Variants in NINL observed in about 807,000 individuals in gnomAD.
NINL encodes the protein ninein-like protein.
A neutral mutation model predicts 160.3 loss-of-function variants in NINL; 153 were observed. The observed-to-expected ratio is 0.95, with a 90% CI of 0.84 to 1.09. The LOEUF (loss-of-function observed/expected upper bound fraction) is 1.09. NINL is among the 50% of genes least tolerant of loss of function. NINL has a pLI of 0.00. For missense variants in NINL, 1,829 were observed against 1,764.0 expected, an observed-to-expected ratio of 1.04 and a Z score of -0.66; for synonymous variants, 800 against 734.8, an observed-to-expected ratio of 1.09 and a Z score of -1.43.
intron 2 of NINL, among the ~76,000 whole-genome samples, chr20:25,520,393 T>C (rs528561309): frequency 1.0e-3 from 155 of 152,348 alleles, no homozygotes; most frequent in African/African-American, 3.3e-3. Flanking sequence ...CACACCTCTG[T>C]TGCTGCCATT....
In NINL at chr20:25,453,235, A is replaced by G. The variant is rs1369711861; in HGVS notation, c.*216T>C. 2.3e-6 allele frequency: 1 copy of G among 435,032 alleles called. No individual in the cohort carries two copies. The highest frequency in any genetic ancestry group is 4.0e-6 in the Non-Finnish European group (1 of 250,322). 26.9% of individuals were successfully genotyped at this position (435,032 alleles called of 1,614,324 possible). ...CAAGGGAAATTACTCAGGACCGCTA[A>G]TAAAAACGCCGGCTTCTGCAACATG... is the stretch of plus-strand genomic sequence containing the variant. On this transcript the variant is annotated 3_prime_UTR_variant, in exon 24 of 24. Transcript: ENST00000278886.
intron 10 of NINL, among the ~76,000 whole-genome samples, chr20:25,492,172 G>T (rs1019396497): frequency 1.3e-5 from 2 of 152,112 alleles, no homozygotes. Context: ...CCAAGTCCGA[G>T]ACACCTAAGC....
At chr20:25,472,460 C>T (rs1346125759) in intron 17 of NINL, among the ~76,000 whole-genome samples, 2 of 147,414 alleles carry the variant, frequency 1.4e-5, no homozygotes, top group Non-Finnish European at 1.5e-5. Context: ...TCCGGAGAGG[C>T]AATATTTTAA....
At chr20:25,517,233 C>A (rs1013094506) in intron 3 of NINL, among the ~76,000 whole-genome samples, 25 of 152,058 alleles carry the variant, frequency 1.6e-4, no homozygotes, top group African/African-American at 5.3e-4. Flanking sequence ...CTAAATAATA[C>A]CACAAACACA....
intron 3 of NINL, 50 bp from the exon 4 acceptor site, chr20:25,513,056 G>A (rs754118161): frequency 6.5e-7 from 1 of 1,546,588 alleles, no homozygotes; most frequent in African/African-American, 1.4e-5. Context: ...GCAGTTCTGG[G>A]CCCATGCAGG....
chr20:25,470,231 T>G (rs949810700), intron 17 of NINL, 136 bp from the exon 18 acceptor site: 1 of 680,054 alleles, frequency 1.5e-6, no homozygotes, highest in Admixed American at 2.3e-5. Flanking sequence ...CAGACACCAT[T>G]CCTTTCCCTC....
rs146566444 is a variant in NINL at position 25,503,747 on chromosome 20, G to A, written c.861+205C>T. ...CCCCTAGTGACACACAGCCAGGGAA[G>A]AGCAACACTGGACCCACCCCAAATC... On this transcript the variant is annotated intron_variant, in intron 7 of 23. Coordinates refer to ENST00000278886, the MANE Select transcript of NINL (RefSeq NM_025176.6). Among the ~76,000 whole-genome samples the A allele has an allele frequency of 2.6e-4, 39 of 152,358 alleles. No individual in the cohort carries two copies. The East Asian group carries it at 3.9e-3, about 15-fold the overall frequency.
rs923802210 is a variant in NINL at position 25,579,358 on chromosome 20, A to C, written c.-12+6097T>G. On this transcript the variant is annotated intron_variant, in intron 1 of 23. Coordinates refer to ENST00000278886, the MANE Select transcript of NINL (RefSeq NM_025176.6). ...GTACTCCGTGAAAGAATTTAACAAA[A>C]ACACTGAGAACAGTGCCTGGCACCT... Among the ~76,000 whole-genome samples the C allele has an allele frequency of 2.0e-5, 3 of 152,312 alleles. No individual in the cohort carries two copies. The South Asian group carries it at 6.2e-4, about 32-fold the overall frequency.
chr20:25,461,674 C>A, intron 20 of NINL, 39 bp from the exon 21 acceptor site: 1 of 1,311,494 alleles, frequency 7.6e-7, no homozygotes, highest in South Asian at 1.2e-5. Flanking sequence ...CAAGAAGTAT[C>A]TGAAGAGTCT....
chr20:25,491,325 C>G (rs776629997), intron 11 of NINL, 26 bp downstream of exon 11: 30 of 1,585,574 alleles, frequency 1.9e-5, no homozygotes, highest in Admixed American at 3.4e-5. Flanking sequence ...CCCCCAGCTT[C>G]CTGGATGCCC....
intron 2 of NINL, among the ~76,000 whole-genome samples, chr20:25,520,050 C>A (rs1168267004): frequency 3.5e-4 from 5 of 14,296 alleles, no homozygotes; most frequent in South Asian, 2.9e-3. Flanking sequence ...TATTAAAATG[C>A]AGAATTTAAA....
intron 19 of NINL, among the ~76,000 whole-genome samples, chr20:25,463,087 G>A (rs1299783996): frequency 6.6e-6 from 1 of 152,148 alleles, no homozygotes; most frequent in Non-Finnish European, 1.5e-5. Flanking sequence ...AATCACAGCT[G>A]GAGATGGAGG....
Position 25,503,958 on chromosome 20 carries a change from A to G in NINL, c.855T>C (p.His285=), listed in dbSNP as rs767619893. 5.0e-6 allele frequency: 8 copies of G among 1,614,128 alleles called. No homozygotes were observed. The South Asian group carries it at 8.8e-5, about 18-fold the overall frequency. Residue 285 remains histidine (H), a synonymous_variant, in exon 7 of 24, where the codon CAT becomes CAC. Transcript: ENST00000278886. ...TTTAACTGTTGCATTTTACCTGGTA[A>G]TGAGACCAAGCCTTGCTCGGTTTAA... ...TRVKPSKAWS[H]YQVPEESGCH... is the part of the protein sequence containing the mutation.
intron 1 of NINL, among the ~76,000 whole-genome samples, chr20:25,554,311 A>G (rs2064838979): frequency 6.6e-6 from 1 of 152,188 alleles, no homozygotes; most frequent in African/African-American, 2.4e-5. Context: ...TGAGTGCCAG[A>G]GTGGACAGAA....
At chr20:25,501,151 G>A in intron 7 of NINL, 141 bp from the exon 8 acceptor site, 5 of 1,108,934 alleles carry the variant, frequency 4.5e-6, no homozygotes, top group Non-Finnish European at 6.3e-6. Context: ...AGCTCTCAGA[G>A]GGGTCAGAGG....
chr20:25,478,500 G>A (rs1029858359), intron 16 of NINL, among the ~76,000 whole-genome samples: 9 of 152,170 alleles, frequency 5.9e-5, no homozygotes, highest in African/African-American at 1.4e-4. Context: ...CTTCTCTCTC[G>A]CTTGCACACT....
At chr20:25,528,099 A>G (rs2146970677) in intron 1 of NINL, among the ~76,000 whole-genome samples, 1 of 152,302 alleles carries the variant, frequency 6.6e-6, no homozygotes, top group South Asian at 2.1e-4. Flanking sequence ...GCACAATCAT[A>G]GCTCACTGTA....
chr20:25,455,524 T>C lies in NINL; in HGVS notation c.3957+149A>G, dbSNP rs930639767. The stretch of plus-strand genomic sequence containing the variant: ...CCATTCCCGGAGGAAAATAAATGAA[T>C]GTGCACCTGCAGTGTAGGGTATACA... On this transcript the variant is annotated intron_variant, in intron 23 of 23. Coordinates refer to ENST00000278886, the MANE Select transcript of NINL (RefSeq NM_025176.6). 57 of 617,886 alleles carry C rather than the reference T, an allele frequency of 9.2e-5. No individual in the cohort carries two copies. The Admixed American group carries it at 1.3e-3, about 14-fold the overall frequency. The allele number at this position is 617,886 out of a possible 1,614,324, so 38.3% of individuals were successfully genotyped here.
chr20:25,551,293 T>C (rs2064804921), intron 1 of NINL, among the ~76,000 whole-genome samples: 2 of 151,818 alleles, frequency 1.3e-5, no homozygotes, highest in African/African-American at 2.4e-5. Flanking sequence ...ATTTTCTACA[T>C]AGACACAGTA....
Sources: gnomAD v4.1 joint callset for allele counts (sites outside exome capture counted in the v4.1 genomes callset) on GRCh38, gnomAD v4.1.1 for gene constraint, MANE v1.5 for transcripts, NCBI Gene and HGNC (gene_info 2026-07-23, HGNC 2026-07-21) for gene names.